ABCC10: variants seen among roughly 807,000 people sequenced by gnomAD.
The protein encoded by ABCC10 is ATP binding cassette subfamily C member 10, also known as ATP-binding cassette sub-family C member 10.
ABCC10 carries 110 observed loss-of-function variants against 143.2 expected under a neutral mutation model. The ratio of observed to expected loss-of-function variants is 0.77; its 90% confidence interval spans 0.66 to 0.90. The LOEUF (loss-of-function observed/expected upper bound fraction) is 0.90. ABCC10 is among the 40% of genes least tolerant of loss of function. The pLI is 0.00. For missense variants in ABCC10, 1,700 were observed against 1,900.5 expected, an observed-to-expected ratio of 0.89 and a Z score of 1.96; for synonymous variants, 805 against 846.7, an observed-to-expected ratio of 0.95 and a Z score of 0.85.
intron 8 of ABCC10, among the ~76,000 whole-genome samples, chr6:43,439,220 G>C (rs911102181): frequency 1.3e-5 from 2 of 152,070 alleles, no homozygotes; most frequent in African/African-American, 4.8e-5. Flanking sequence ...ATATTTATAG[G>C]AGAAGAGATT....
chr6:43,441,042 G>C (rs1005382076), intron 8 of ABCC10, among the ~76,000 whole-genome samples: 1 of 151,460 alleles, frequency 6.6e-6, no homozygotes, highest in Admixed American at 6.6e-5. Flanking sequence ...GGCGGAGGTT[G>C]CAGTGAGCTG....
rs1446741254 is a variant in ABCC10, at chr6:43,445,741, C to T, written c.3173C>T (p.Ala1058Val). 6.2e-7 allele frequency: 1 copy of T among 1,614,160 alleles called. No homozygotes were observed. Among genetic ancestry groups the T allele is most frequent in the Non-Finnish European group, 8.5e-7 (1 of 1,180,030 alleles). ...ANAAGLLGLLAVLGSGLPWLL... is the reference protein window; with the variant it reads ...ANAAGLLGLLVVLGSGLPWLL... ...GCGGCAGGCCTGCTGGGGCTCCTGG[C>T]CGTGCTGGGCTCTGGCCTGCCCTGG... The change falls in exon 15 of 22, where the codon GCC (alanine) becomes GTC (valine). Residue 1058 changes from alanine to valine, a missense_variant. By Grantham distance (64) the Ala-to-Val change is moderately conservative (BLOSUM62 0). Transcript: ENST00000372530.
rs1384207926 is a variant in ABCC10, at chr6:43,431,802, T to C, written c.162-340T>C. ...CAAACGTAGTACCCAGGATTTTTTT[T>C]TTCCTAGTTAGTCTTCATGTTAAGT... is the stretch of plus-strand genomic sequence containing the variant. On this transcript the variant is annotated intron_variant, in intron 2 of 21. Transcript: ENST00000372530. 3 of 1,137,974 alleles carry C rather than the reference T, an allele frequency of 2.6e-6. No homozygotes were observed. In the Admixed American group the frequency reaches 1.4e-4, roughly 51 times the overall value. 70.5% of individuals were successfully genotyped at this position (1,137,974 alleles called of 1,614,324 possible).
chr6:43,442,889 A>G lies in ABCC10; in HGVS notation c.2227-81A>G, dbSNP rs2305975. ...GGGGTAGCCCCCAGAGTTTCTCTCAACTGTCTTCTCTGATCACTTTGAGAT... is the reference window on the plus strand; with the variant it reads ...GGGGTAGCCCCCAGAGTTTCTCTCAGCTGTCTTCTCTGATCACTTTGAGAT... On this transcript the variant is annotated intron_variant, in intron 9 of 21. Transcript: ENST00000372530. The G allele has an allele frequency of 3.1e-4, 408 of 1,319,456 alleles. 1 individual carries two copies. The East Asian group carries it at 7.0e-3, about 23-fold the overall frequency. 81.7% of individuals were successfully genotyped at this position (1,319,456 alleles called of 1,614,324 possible).
Position 43,427,796 on chromosome 6 carries a change from C to T in ABCC10, c.-12+39C>T, listed in dbSNP as rs185518884. The T allele has an allele frequency of 3.2e-4, 222 of 689,552 alleles. No individual in the cohort carries two copies. The African/African-American group carries it at 3.7e-3, about 11-fold the overall frequency. The allele number at this position is 689,552 out of a possible 1,614,324, so 42.7% of individuals were successfully genotyped here. A position where few individuals can be genotyped will look rare whatever the true frequency, so the allele number is the denominator to read the frequency against. ...GTCCAGAAATCCACTGGGGAAACCT[C>T]CTCCCGTTTTTACCCTTGGTACCGC... On this transcript the variant is annotated intron_variant, in intron 1 of 21. Transcript: ENST00000372530.
Position 43,447,406 on chromosome 6 carries a change from C to T in ABCC10, c.3703C>T (p.Gln1235Ter), listed in dbSNP as rs373113280. ...CCAGGAACCCCAGGGCCAGCCACTG[C>T]AGGTGGGCCTGTACCCCCACCCCAG... is the stretch of plus-strand genomic sequence containing the variant. ...LPQEPQGQPL[Q>*]LGTGWLTQGG... is the part of the protein sequence containing the mutation. Residue 1235 changes from glutamine to a stop codon, truncating the protein, a stop_gained and splice_region_variant, in exon 17 of 22, where the codon CAG (glutamine) becomes TAG (stop). Coordinates refer to ENST00000372530, the MANE Select transcript of ABCC10 (RefSeq NM_001198934.2). LOFTEE classifies it high-confidence loss of function. 3.7e-6 allele frequency: 6 copies of T among 1,612,810 alleles called. No individual in the cohort carries two copies. Among genetic ancestry groups the T allele is most frequent in the Admixed American group, 1.7e-5 (1 of 59,962 alleles).
chr6:43,444,061 A>G (rs758863124), intron 11 of ABCC10, 51 bp downstream of exon 11: 1 of 1,608,784 alleles, frequency 6.2e-7, no homozygotes, highest in East Asian at 2.2e-5. Context: ...GCCACACTGT[A>G]GAGCTTTTTC....
At position 43,445,924 on chromosome 6, in the gene ABCC10, C is replaced by T; in HGVS notation, c.3356C>T (p.Ala1119Val). The change falls in exon 15 of 22, where the codon GCC becomes GTC. Residue 1119 changes from alanine (A) to valine (V), a missense_variant. Physicochemically the swap from Ala to Val is moderately conservative, Grantham distance 64 (BLOSUM62 0). Coordinates refer to ENST00000372530, the MANE Select transcript of ABCC10 (RefSeq NM_001198934.2). ...TTGGCTGGCCTCTCTGTGCTCCGGG[C>T]CACAGGGGCCACCTACAGGTGTGTG... ...DTLAGLSVLR[A>V]TGATYRFEEE... 1 of 1,612,238 alleles carries T rather than the reference C, an allele frequency of 6.2e-7. No homozygotes were observed. The highest frequency in any genetic ancestry group is 1.1e-5 in the South Asian group (1 of 90,994).
chr6:43,440,489 G>A (rs559969132), intron 8 of ABCC10, among the ~76,000 whole-genome samples: 8 of 152,122 alleles, frequency 5.3e-5, no homozygotes, highest in Admixed American at 2.0e-4. Flanking sequence ...TTGGCCAGGC[G>A]TGGTGGCTCA....
Position 43,449,008 on chromosome 6 carries a change from G to A in ABCC10, c.4087G>A (p.Glu1363Lys), listed in dbSNP as rs768075485. 1.2e-6 allele frequency: 2 copies of A among 1,614,108 alleles called. No homozygotes were observed. The highest frequency in any genetic ancestry group is 1.7e-6 in the Non-Finnish European group (2 of 1,179,958). ...GGCCCTGAAGCAGTGCCACCTGAGT[G>A]AGGTGATTACATCCATGGGTGAGTG... ...WQALKQCHLS[E>K]VITSMGGLDG... The change falls in exon 19 of 22, where the codon GAG becomes AAG. Residue 1363 changes from glutamate to lysine, a missense_variant. Transcript: ENST00000372530.
chr6:43,451,977 C>A (rs1014676927), downstream of ABCC10: 1 of 1,614,218 alleles, frequency 6.2e-7, no homozygotes, highest in Admixed American at 1.7e-5. This position sits in a 1 kb window ranked among gnomAD's most constrained non-coding sequence, Gnocchi z 4.4. Flanking sequence ...CGCTCGCAGT[C>A]ACGCCCATGG....
At chr6:43,446,027 G>A in intron 15 of ABCC10, 85 bp downstream of exon 15, 1 of 1,436,030 alleles carries the variant, frequency 7.0e-7, no homozygotes. Flanking sequence ...GCAGGGTATG[G>A]TTGGTTCAGC....
intron 4 of ABCC10, 72 bp downstream of exon 4, chr6:43,434,920 C>T: frequency 6.7e-7 from 1 of 1,495,102 alleles, no homozygotes; most frequent in South Asian, 1.2e-5. Context: ...CTTGGGCCCT[C>T]AGTGCTGGCT....
intron 6 of ABCC10, 118 bp downstream of exon 6, chr6:43,436,365 C>A: frequency 7.8e-7 from 1 of 1,283,952 alleles, no homozygotes; most frequent in Non-Finnish European, 1.1e-6. Flanking sequence ...CTAATTGCTG[C>A]AGGAGGGATA....
At chr6:43,433,528 T>G (rs1781360869) in intron 3 of ABCC10, among the ~76,000 whole-genome samples, 168 bp downstream of exon 3, 1 of 152,210 alleles carries the variant, frequency 6.6e-6, no homozygotes, top group African/African-American at 2.4e-5. Context: ...ACTTACTGGT[T>G]CAATCACTTC....
chr6:43,433,394 G>A, intron 3 of ABCC10, 34 bp downstream of exon 3: 10 of 1,568,614 alleles, frequency 6.4e-6, no homozygotes, highest in Non-Finnish European at 8.7e-6. Context: ...CAGCTATCTG[G>A]AGACCCCACC....
At chr6:43,436,004 A>G in intron 5 of ABCC10, 97 bp downstream of exon 5, 1 of 1,597,810 alleles carries the variant, frequency 6.3e-7, no homozygotes, top group Non-Finnish European at 8.6e-7. Flanking sequence ...GGGCTTAGAG[A>G]GAGCGGAATC....
chr6:43,439,095 A>C (rs1036094794), intron 8 of ABCC10, among the ~76,000 whole-genome samples: 1 of 152,114 alleles, frequency 6.6e-6, no homozygotes, highest in Non-Finnish European at 1.5e-5. Context: ...CCCCTTCTCC[A>C]TACCCACTTC....
At chr6:43,429,577 G>T (rs1229436658) in intron 2 of ABCC10, among the ~76,000 whole-genome samples, 1 of 152,008 alleles carries the variant, frequency 6.6e-6, no homozygotes, top group Non-Finnish European at 1.5e-5. Context: ...GGCCACAAGT[G>T]CATGCCACCA....
Sources: gnomAD v4.1 joint callset for allele counts (sites outside exome capture counted in the v4.1 genomes callset) on GRCh38, gnomAD v4.1.1 for gene constraint, Gnocchi (gnomAD v3.1) non-coding constraint, MANE v1.5 for transcripts, NCBI Gene and HGNC (gene_info 2026-07-23, HGNC 2026-07-21) for gene names.